The following TBL3 variants were observed in gnomAD, a reference collection of about 807,000 sequenced individuals.
The protein encoded by TBL3 is transducin beta-like protein 3.
TBL3 carries 71 observed loss-of-function variants against 102.7 expected under a neutral mutation model. The ratio of observed to expected loss-of-function variants is 0.69; its 90% CI spans 0.57 to 0.84. The LOEUF is 0.84. TBL3 is among the 40% of genes least tolerant of loss of function. The probability of loss-of-function intolerance (pLI) is 0.00; values close to 1 mark genes in which losing one functional copy is unlikely to be tolerated. For missense variants in TBL3, 1,188 were observed against 1,098.5 expected (o/e 1.08, Z -1.15); for synonymous variants, 578 against 477.7 (o/e 1.21, Z -2.74).
At chr16:1,976,625 C>T (rs567595412) in intron 13 of TBL3, among the ~76,000 whole-genome samples, 189 bp from the exon 14 acceptor site, 10 of 152,222 alleles carry the variant, frequency 6.6e-5, no homozygotes, top group Admixed American at 1.3e-4. Flanking sequence ...CTGAGCCACC[C>T]GGTGCTGCGG....
At position 1,974,648 on chromosome 16, in the gene TBL3, C is replaced by G; in HGVS notation, c.348C>G (p.Ala116=). ...AIHTAPVATM[A]FDPTSTLLAT... is the part of the protein sequence containing the mutation. ...ACACGGCCCCCGTGGCCACCATGGC[C>G]TTCGACCCCACCTCCACTCTGCTAG... Residue 116 remains alanine, a synonymous_variant, in exon 5 of 22, where the codon GCC becomes GCG. Transcript: ENST00000568546. 1.2e-6 allele frequency: 2 copies of G among 1,609,198 alleles called. No homozygotes were observed. The highest frequency in any genetic ancestry group is 1.7e-6 in the Non-Finnish European group (2 of 1,176,964).
intron 13 of TBL3, 76 bp from the exon 14 acceptor site, chr16:1,976,738 C>T: frequency 6.3e-7 from 1 of 1,578,588 alleles, no homozygotes; most frequent in Non-Finnish European, 8.6e-7. Flanking sequence ...GGGCTCCCAG[C>T]CTGGCCCTGT....
At position 1,976,078 on chromosome 16, in the gene TBL3, G is replaced by A. The variant is rs1202846773; in HGVS notation, c.1152G>A (p.Val384=). 8 of 1,614,180 alleles carry A rather than the reference G, an allele frequency of 5.0e-6. No individual in the cohort carries two copies. Among genetic ancestry groups the A allele is most frequent in the Non-Finnish European group, 6.8e-6 (8 of 1,180,036 alleles). The change falls in exon 12 of 22, where the codon GTG becomes GTA. Residue 384 remains valine, a synonymous_variant. Transcript: ENST00000568546. Reference sequence around the variant, plus strand: ...CAGATATCGTCCTGGCCCTGGATGTGTTCCGGAAGGGGTGGCTCTTTGCCA... The same window carrying A: ...CAGATATCGTCCTGGCCCTGGATGTATTCCGGAAGGGGTGGCTCTTTGCCA... ...GHTDIVLALD[V]FRKGWLFASC... is the part of the protein sequence containing the mutation.
rs760533989 is a variant in TBL3, at chr16:1,978,579, C to G, written c.2321C>G (p.Thr774Ser). ...CGGCACTTTCAGCGGCTCAGCAGGA[C>G]CCTCCAGGCCGCCGCTTTCTTGGAC... ...TERHFQRLSR[T>S]LQAAAFLDFL... is the part of the protein sequence containing the mutation. Residue 774 changes from threonine to serine, a missense_variant, in exon 22 of 22, where the codon ACC (threonine) becomes AGC (serine). By Grantham distance (58) the Thr-to-Ser change is moderately conservative. Coordinates refer to ENST00000568546, the MANE Select transcript of TBL3 (RefSeq NM_006453.3). The G allele has an allele frequency of 6.2e-7, 1 of 1,612,250 alleles. No individual in the cohort carries two copies. The highest frequency in any genetic ancestry group is 1.1e-5 in the South Asian group (1 of 91,066).
In TBL3 at chr16:1,979,984, T is replaced by C; in HGVS notation, c.*1299T>C. ...GCAGAGGAGCAAATCCCTGGGTTCT[T>C]GGGGGGCCCTACCTGAGGGGTGCCG... On this transcript the variant is annotated 3_prime_UTR_variant, in exon 22 of 22. Transcript: ENST00000568546. 6.3e-7 allele frequency: 1 copy of C among 1,596,724 alleles called. No homozygotes were observed. The highest frequency in any genetic ancestry group is 8.5e-7 in the Non-Finnish European group (1 of 1,172,692).
intron 1 of TBL3, 98 bp from the exon 2 acceptor site, chr16:1,973,958 G>C: frequency 7.6e-7 from 1 of 1,307,500 alleles, no homozygotes; most frequent in South Asian, 1.7e-5. Flanking sequence ...AAGGGCAGGG[G>C]CCATTGGGGT....
Position 1,981,524 on chromosome 16 carries a change from C to A in TBL3, c.*2839C>A. 1 of 357,414 alleles carries A rather than the reference C, an allele frequency of 2.8e-6. No individual in the cohort carries two copies. The highest frequency in any genetic ancestry group is 4.3e-5 in the Admixed American group (1 of 23,416). The allele number at this position is 357,414 out of a possible 1,614,324, so 22.1% of individuals were successfully genotyped here. On this transcript the variant is annotated 3_prime_UTR_variant, in exon 22 of 22. Transcript: ENST00000568546. Reference sequence around the variant, plus strand: ...CTGCCTGGGGCCCTCCTGCCTGCCTCTGGCCACAGGAGGAGGGAGGAGAAG... The same window carrying A: ...CTGCCTGGGGCCCTCCTGCCTGCCTATGGCCACAGGAGGAGGGAGGAGAAG...
At position 1,979,223 on chromosome 16, in the gene TBL3, T is replaced by G. The variant is rs921612867; in HGVS notation, c.*538T>G. On this transcript the variant is annotated 3_prime_UTR_variant, in exon 22 of 22. Coordinates refer to ENST00000568546, the MANE Select transcript of TBL3 (RefSeq NM_006453.3). The stretch of plus-strand genomic sequence containing the variant: ...GGGGAGGGGCGGTGGCCTGGGAGGG[T>G]TCAGGGAAGCCCCGGGCCTCACCCG... 6 of 1,493,778 alleles carry G rather than the reference T, an allele frequency of 4.0e-6. No individual in the cohort carries two copies. Among genetic ancestry groups the G allele is most frequent in the Non-Finnish European group, 5.3e-6 (6 of 1,129,022 alleles). 92.5% of individuals were successfully genotyped at this position (1,493,778 alleles called of 1,614,324 possible).
At position 1,977,346 on chromosome 16, in the gene TBL3, C is replaced by A. The variant is rs774292381; in HGVS notation, c.1672-10C>A. The A allele has an allele frequency of 1.1e-5, 18 of 1,613,420 alleles. No homozygotes were observed. In the East Asian group the frequency reaches 1.6e-4, roughly 14 times the overall value. On this transcript the variant is annotated splice_polypyrimidine_tract_variant and intron_variant, in intron 15 of 21. Coordinates refer to ENST00000568546, the MANE Select transcript of TBL3 (RefSeq NM_006453.3). Reference sequence around the variant, plus strand: ...TGGTGACATCTCATGCCCTACCCCCCACCTTGCAGACATTTGAGGGGCACG... The same window carrying A: ...TGGTGACATCTCATGCCCTACCCCCAACCTTGCAGACATTTGAGGGGCACG...
chr16:1,975,044 A>T lies in TBL3; in HGVS notation c.581A>T (p.His194Leu). The change falls in exon 7 of 22, where the codon CAC (histidine) becomes CTC (leucine). Residue 194 changes from histidine to leucine, a missense_variant. Physicochemically the swap from His to Leu is moderately conservative, Grantham distance 99 (BLOSUM62 -3). Transcript: ENST00000568546. ...DRSCLAVLTAHYSAVTSLAFS... is the reference protein window; with the variant it reads ...DRSCLAVLTALYSAVTSLAFS... The stretch of plus-strand genomic sequence containing the variant: ...TCATGCCTGGCTGTGCTGACTGCCC[A>T]CTACAGCGCCGTCACCTCACTGGCC... 4 of 1,607,572 alleles carry T rather than the reference A, an allele frequency of 2.5e-6. No homozygotes were observed. The highest frequency in any genetic ancestry group is 3.4e-6 in the Non-Finnish European group (4 of 1,179,970).
intron 1 of TBL3, among the ~76,000 whole-genome samples, chr16:1,973,065 G>A (rs1017699239): frequency 1.3e-5 from 2 of 152,184 alleles, no homozygotes; most frequent in African/African-American, 4.8e-5. Context: ...TCTGGGAGGT[G>A]TGTGGGCAGA....
chr16:1,976,838 A>C lies in TBL3; in HGVS notation c.1317A>C (p.Thr439=). The C allele has an allele frequency of 6.2e-7, 1 of 1,613,716 alleles. No individual in the cohort carries two copies. Among genetic ancestry groups the C allele is most frequent in the Non-Finnish European group, 8.5e-7 (1 of 1,179,982 alleles). Residue 439 remains threonine, a synonymous_variant, in exon 14 of 22, where the codon ACA becomes ACC. Coordinates refer to ENST00000568546, the MANE Select transcript of TBL3 (RefSeq NM_006453.3). The stretch of plus-strand genomic sequence containing the variant: ...GGCTGAAGGAGTCCTTCCTGGTGAC[A>C]GGCAGCCAGGACTGCACTGTGAAGC... The part of the protein sequence containing the change: ...CSRLKESFLV[T]GSQDCTVKLW...
Position 1,978,337 on chromosome 16 carries a change from C to A in TBL3, c.2159C>A (p.Thr720Lys). ...GAGGCCCTGCTGCGCTTCTGCGTCACGTGGAACACCAACTCGCGGCACTGC... is the reference window on the plus strand; with the variant it reads ...GAGGCCCTGCTGCGCTTCTGCGTCAAGTGGAACACCAACTCGCGGCACTGC... ...QKEALLRFCV[T>K]WNTNSRHCHE... is the part of the protein sequence containing the mutation. The change falls in exon 21 of 22, where the codon ACG becomes AAG. Residue 720 changes from threonine to lysine, a missense_variant. Coordinates refer to ENST00000568546, the MANE Select transcript of TBL3 (RefSeq NM_006453.3). The A allele has an allele frequency of 3.1e-6, 5 of 1,610,388 alleles. No individual in the cohort carries two copies. Among genetic ancestry groups the A allele is most frequent in the Non-Finnish European group, 4.2e-6 (5 of 1,178,430 alleles).
In TBL3 at chr16:1,979,951, G is replaced by A. The variant is rs368706710; in HGVS notation, c.*1266G>A. 218 of 1,580,126 alleles carry A rather than the reference G, an allele frequency of 1.4e-4. No individual in the cohort carries two copies. Among genetic ancestry groups the A allele is most frequent in the Non-Finnish European group, 1.8e-4 (204 of 1,163,128 alleles). On this transcript the variant is annotated 3_prime_UTR_variant, in exon 22 of 22. Coordinates refer to ENST00000568546, the MANE Select transcript of TBL3 (RefSeq NM_006453.3). ...GACTCAAATCTCGAGGCTCCCTCGGGTCCAGGAGCAGAGGAGCAAATCCCT... is the reference window on the plus strand; with the variant it reads ...GACTCAAATCTCGAGGCTCCCTCGGATCCAGGAGCAGAGGAGCAAATCCCT...
In TBL3 at chr16:1,981,358, C is replaced by G. The variant is rs1471441150; in HGVS notation, c.*2673C>G. Reference sequence around the variant, plus strand: ...GAGTCCTTTGCAGCTTTCTTGCTGTCCCCCAAGCCCACGATCTGGGGGCAG... The same window carrying G: ...GAGTCCTTTGCAGCTTTCTTGCTGTGCCCCAAGCCCACGATCTGGGGGCAG... On this transcript the variant is annotated 3_prime_UTR_variant, in exon 22 of 22. Transcript: ENST00000568546. 9.2e-6 allele frequency: 13 copies of G among 1,416,700 alleles called. No homozygotes were observed. The highest frequency in any genetic ancestry group is 2.9e-5 in the African/African-American group (2 of 69,390). 87.8% of individuals were successfully genotyped at this position (1,416,700 alleles called of 1,614,324 possible). A position where few individuals can be genotyped will look rare whatever the true frequency, so the allele number is the denominator to read the frequency against.
At position 1,982,400 on chromosome 16, in the gene TBL3, A is replaced by C. The variant is rs1597061156; in HGVS notation, c.*3715A>C. ...TGACCTGGTGGGGTCCAGCGTGTGA[A>C]CCCAGGGGAGACCTTGCTCCCCTGG... is the stretch of plus-strand genomic sequence containing the variant. On this transcript the variant is annotated 3_prime_UTR_variant, in exon 22 of 22. Transcript: ENST00000568546. 1 of 152,074 alleles carries C rather than the reference A, an allele frequency of 6.6e-6. No individual in the cohort carries two copies. Among genetic ancestry groups the C allele is most frequent in the Admixed American group, 6.6e-5 (1 of 15,258 alleles). 9.4% of individuals were successfully genotyped at this position (152,074 alleles called of 1,614,324 possible).
rs776291285 is a variant in TBL3, at chr16:1,979,338, C to T, written c.*653C>T. The T allele has an allele frequency of 2.5e-6, 4 of 1,575,272 alleles. No individual in the cohort carries two copies. Among genetic ancestry groups the T allele is most frequent in the African/African-American group, 1.4e-5 (1 of 73,992 alleles). The stretch of plus-strand genomic sequence containing the variant: ...CAGCACCGCGGGGAGTAGGCCCGCC[C>T]GGTCGCCGTACCTGCGAGGGGCGGG... On this transcript the variant is annotated 3_prime_UTR_variant, in exon 22 of 22. Transcript: ENST00000568546.
At chr16:1,975,765 C>A (rs373488677) in intron 10 of TBL3, 43 bp from the exon 11 acceptor site, 3 of 1,613,732 alleles carry the variant, frequency 1.9e-6, no homozygotes, top group Admixed American at 1.7e-5. Context: ...CCTCCTCTTA[C>A]ACAGGTCCTG....
chr16:1,981,172 C>G lies in TBL3; in HGVS notation c.*2487C>G, dbSNP rs768914047. 16 of 1,613,634 alleles carry G rather than the reference C, an allele frequency of 9.9e-6. No individual in the cohort carries two copies. The highest frequency in any genetic ancestry group is 1.4e-5 in the Non-Finnish European group (16 of 1,180,010). On this transcript the variant is annotated 3_prime_UTR_variant, in exon 22 of 22. Coordinates refer to ENST00000568546, the MANE Select transcript of TBL3 (RefSeq NM_006453.3). ...TTGCACTGAAACTGGGTATCGGGGG[C>G]CTGCCATGGCTGTGGCTTCCAGGCT...
Sources: gnomAD v4.1 joint callset for allele counts (sites outside exome capture counted in the v4.1 genomes callset) on GRCh38, gnomAD v4.1.1 for gene constraint, MANE v1.5 for transcripts, NCBI Gene and HGNC (gene_info 2026-07-23, HGNC 2026-07-21) for gene names.